Variants in KDELR2 observed in about 807,000 individuals in gnomAD.
The protein encoded by KDELR2 is ER lumen protein-retaining receptor 2.
KDELR2 carries 15 observed loss-of-function variants against 23.9 expected under a neutral mutation model. The ratio of observed to expected loss-of-function variants is 0.63; its 90% CI spans 0.42 to 0.97. The LOEUF is 0.97. KDELR2 is among the 50% of genes least tolerant of loss of function. The pLI is 0.00. For synonymous variants in KDELR2, 119 were observed against 106.2 expected (o/e 1.12, Z -0.74); for missense variants, 272 against 254.6 (o/e 1.07, Z -0.46).
rs9881 is a variant in KDELR2, at chr7:6,463,126, G to A, written c.*15C>T. On this transcript the variant is annotated 3_prime_UTR_variant, in exon 5 of 5. Transcript: ENST00000258739. ...AGCACCCTGAAGGACAGATGCTGGT[G>A]ATGGTCTTTGGCACTTATGCTGGCA... The A allele has an allele frequency of 6.2e-7, 1 of 1,614,052 alleles. No individual in the cohort carries two copies. The highest frequency in any genetic ancestry group is 1.3e-5 in the African/African-American group (1 of 74,934).
At chr7:6,474,074 G>A (rs1785706445) in intron 2 of KDELR2, 110 bp downstream of exon 2, 4 of 687,926 alleles carry the variant, frequency 5.8e-6, no homozygotes, top group South Asian at 5.7e-5. Context: ...AGCATATTAA[G>A]ACATTATTTT....
chr7:6,473,731 A>G (rs1266345019), intron 2 of KDELR2, among the ~76,000 whole-genome samples: 1 of 152,232 alleles, frequency 6.6e-6, no homozygotes, highest in Non-Finnish European at 1.5e-5. Context: ...AAGAAAAAAG[A>G]TAGAAGCCTA....
intron 4 of KDELR2, among the ~76,000 whole-genome samples, chr7:6,465,206 G>GAGAGTC (rs1785476910): frequency 1.4e-5 from 2 of 143,950 alleles, no homozygotes; most frequent in Non-Finnish European, 3.0e-5. Context: ...TTTTGAGAGA[G>GAGAGTC]AGAGTCTCGC....
At chr7:6,483,185 T>C (rs955233830) in intron 1 of KDELR2, among the ~76,000 whole-genome samples, 1 of 152,134 alleles carries the variant, frequency 6.6e-6, no homozygotes, top group Non-Finnish European at 1.5e-5. Context: ...GAGCAACGAA[T>C]TGCAGGAGCC....
chr7:6,480,961 A>AAC (rs200308089), intron 1 of KDELR2, among the ~76,000 whole-genome samples: 1 of 152,164 alleles, frequency 6.6e-6, no homozygotes, highest in Non-Finnish European at 1.5e-5. Context: ...ATACTTGGCA[A>AAC]ACACACACAC....
In KDELR2 at chr7:6,466,368, A is replaced by G. The variant is rs552128975; in HGVS notation, c.352-45T>C. ...CTTCCATCACGACCCACTGCCCACC[A>G]GGAGCTCAGAGGAAACACTCTTGCT... On this transcript the variant is annotated intron_variant, in intron 3 of 4. Transcript: ENST00000258739. The G allele has an allele frequency of 2.5e-4, 402 of 1,596,882 alleles. 6 individuals are homozygous for G. The South Asian group carries it at 4.3e-3, about 17-fold the overall frequency.
chr7:6,477,631 T>A (rs1343456382), intron 1 of KDELR2, among the ~76,000 whole-genome samples: 2 of 152,230 alleles, frequency 1.3e-5, no homozygotes, highest in Non-Finnish European at 2.9e-5. Flanking sequence ...ATTCTTGTCT[T>A]ATCCTACTGG....
chr7:6,479,078 C>A (rs942292877), intron 1 of KDELR2, among the ~76,000 whole-genome samples: 4 of 151,680 alleles, frequency 2.6e-5, no homozygotes, highest in Non-Finnish European at 4.4e-5. Context: ...TGTAAGCCAC[C>A]GTGCTCGGCC....
In KDELR2 at chr7:6,461,576, G is replaced by C. The variant is rs1428494198; in HGVS notation, c.*1565C>G. ...CTGATACACAAAAGCCAAAACATAA[G>C]ACAAGGAGGGAAGAGTAAAATGAGG... is the stretch of plus-strand genomic sequence containing the variant. On this transcript the variant is annotated 3_prime_UTR_variant, in exon 5 of 5. Transcript: ENST00000258739. 6.6e-6 allele frequency: 1 copy of C among 151,634 alleles called. No individual in the cohort carries two copies. Among genetic ancestry groups the C allele is most frequent in the African/African-American group, 2.4e-5 (1 of 41,218 alleles). The allele number at this position is 151,634 out of a possible 1,614,324, so 9.4% of individuals were successfully genotyped here. A position where few individuals can be genotyped will look rare whatever the true frequency, so the allele number is the denominator to read the frequency against.
rs764002351 is a variant in KDELR2 at position 6,462,757 on chromosome 7, G to T, written c.*384C>A. On this transcript the variant is annotated 3_prime_UTR_variant, in exon 5 of 5. Coordinates refer to ENST00000258739, the MANE Select transcript of KDELR2 (RefSeq NM_006854.4). Reference sequence around the variant, plus strand: ...AATATATAATCTATCAACTGTCAAGGAGTACAATTTCATTGCAGACACAAA... The same window carrying T: ...AATATATAATCTATCAACTGTCAAGTAGTACAATTTCATTGCAGACACAAA... The T allele has an allele frequency of 2.3e-5, 11 of 474,374 alleles. No individual in the cohort carries two copies. The highest frequency in any genetic ancestry group is 5.8e-4 in the Middle Eastern group (1 of 1,734). The allele number at this position is 474,374 out of a possible 1,614,324, so 29.4% of individuals were successfully genotyped here.
intron 1 of KDELR2, among the ~76,000 whole-genome samples, chr7:6,474,939 C>G (rs1785723662): frequency 6.6e-6 from 1 of 152,158 alleles, no homozygotes. Context: ...CGCCTGGTCC[C>G]TTCTTTGTAT....
chr7:6,479,451 G>A (rs181980787), intron 1 of KDELR2, among the ~76,000 whole-genome samples: 77 of 152,042 alleles, frequency 5.1e-4, no homozygotes, highest in Non-Finnish European at 9.4e-4. Flanking sequence ...CACTAAGACC[G>A]GCCAAGAACA....
intron 3 of KDELR2, among the ~76,000 whole-genome samples, chr7:6,467,258 C>A (rs967725037): frequency 6.6e-6 from 1 of 152,232 alleles, no homozygotes; most frequent in Non-Finnish European, 1.5e-5. Flanking sequence ...TAAGCTCCTT[C>A]CACTTCCTCA....
chr7:6,471,380 A>G (rs1253473498), intron 2 of KDELR2, among the ~76,000 whole-genome samples: 1 of 151,740 alleles, frequency 6.6e-6, no homozygotes, highest in Non-Finnish European at 1.5e-5. Flanking sequence ...CGGGGTTTCC[A>G]TGTTGGTCAG....
rs186939877 is a variant in KDELR2, at chr7:6,473,078, T to C, written c.192+1106A>G. Among the ~76,000 whole-genome samples, 3 of 104,490 alleles carry C rather than the reference T, an allele frequency of 2.9e-5. 1 individual carries two copies. The highest frequency in any genetic ancestry group is 3.5e-5 in the African/African-American group (1 of 28,518). The allele number at this position is 104,490 out of a possible 152,430, so 68.5% of individuals were successfully genotyped here. On this transcript the variant is annotated intron_variant, in intron 2 of 4. Coordinates refer to ENST00000258739, the MANE Select transcript of KDELR2 (RefSeq NM_006854.4). ...GTATGCCACCATGCCTGGCTAATTTTTGTATTTTTTTTTTTTTTTTTTTTT... is the reference window on the plus strand; with the variant it reads ...GTATGCCACCATGCCTGGCTAATTTCTGTATTTTTTTTTTTTTTTTTTTTT...
At chr7:6,472,476 A>AG (rs1235899440) in intron 2 of KDELR2, among the ~76,000 whole-genome samples, 1 of 152,182 alleles carries the variant, frequency 6.6e-6, no homozygotes, top group East Asian at 1.9e-4. Flanking sequence ...GGGCATCCTG[A>AG]GGGGGAGAGA....
At chr7:6,469,128 T>C (rs901453324) in intron 3 of KDELR2, among the ~76,000 whole-genome samples, 4 of 151,228 alleles carry the variant, frequency 2.6e-5, no homozygotes, top group Non-Finnish European at 5.9e-5. Flanking sequence ...ATTTTTTTTA[T>C]TTTTTAGTAC....
chr7:6,463,105 C>T lies in KDELR2; in HGVS notation c.*36G>A, dbSNP rs1196149055. On this transcript the variant is annotated 3_prime_UTR_variant, in exon 5 of 5. Coordinates refer to ENST00000258739, the MANE Select transcript of KDELR2 (RefSeq NM_006854.4). Reference sequence around the variant, plus strand: ...CTGTGGTAAGAATTCTGTCCGAGCACCCTGAAGGACAGATGCTGGTGATGG... The same window carrying T: ...CTGTGGTAAGAATTCTGTCCGAGCATCCTGAAGGACAGATGCTGGTGATGG... The T allele has an allele frequency of 1.2e-6, 2 of 1,613,982 alleles. No homozygotes were observed. Among genetic ancestry groups the T allele is most frequent in the Non-Finnish European group, 1.7e-6 (2 of 1,180,026 alleles).
chr7:6,465,494 T>G (rs1371421705), intron 4 of KDELR2, among the ~76,000 whole-genome samples: 1 of 152,126 alleles, frequency 6.6e-6, no homozygotes, highest in Non-Finnish European at 1.5e-5. Flanking sequence ...AATGTTTTTT[T>G]TTTTCTGAAC....
Sources: gnomAD v4.1 joint callset for allele counts (sites outside exome capture counted in the v4.1 genomes callset) on GRCh38, gnomAD v4.1.1 for gene constraint, MANE v1.5 for transcripts, NCBI Gene and HGNC (gene_info 2026-07-23, HGNC 2026-07-21) for gene names.